The following NCKIPSD variants were observed in gnomAD, a reference collection of about 807,000 sequenced individuals.
NCKIPSD encodes NCK-interacting protein with SH3 domain.
In NCKIPSD, 48 loss-of-function variants were observed where a neutral mutation model predicts 73.4. The ratio of observed to expected loss-of-function variants is 0.65; its 90% CI spans 0.52 to 0.83. The LOEUF (loss-of-function observed/expected upper bound fraction) is 0.83, where lower values mean the gene tolerates loss of function less well. NCKIPSD is among the 40% of genes least tolerant of loss of function. The pLI, the probability that NCKIPSD is intolerant of heterozygous loss-of-function variation, is 0.00. For synonymous variants in NCKIPSD, 422 were observed against 403.6 expected (o/e 1.05, Z -0.54); for missense variants, 884 against 970.2 (o/e 0.91, Z 1.18).
chr3:48,681,858 C>T (rs866046743), intron 4 of NCKIPSD, 78 bp from the exon 5 acceptor site: 1 of 1,457,700 alleles, frequency 6.9e-7, no homozygotes, highest in African/African-American at 1.4e-5. Flanking sequence ...TCCCCTGTCC[C>T]CTAACACAGG....
chr3:48,682,254 T>C, intron 3 of NCKIPSD, 94 bp downstream of exon 3: 2 of 1,574,836 alleles, frequency 1.3e-6, no homozygotes, highest in Non-Finnish European at 8.7e-7. Flanking sequence ...ACTATGGCTC[T>C]GGGCCGCATC....
intron 1 of NCKIPSD, among the ~76,000 whole-genome samples, chr3:48,684,019 C>CACACACACACACACACAG (rs563262573): frequency 1.6e-4 from 22 of 141,342 alleles, no homozygotes; most frequent in African/African-American, 6.1e-4. Flanking sequence ...CACACACACA[C>CACACACACACACACACAG]AGAGAGAGAG....
rs1258573893 is a variant in NCKIPSD at position 48,681,386 on chromosome 3, G to A, written c.993C>T (p.Cys331=). 2.5e-6 allele frequency: 4 copies of A among 1,612,060 alleles called. No homozygotes were observed. Among genetic ancestry groups the A allele is most frequent in the Middle Eastern group, 3.3e-4 (2 of 6,072 alleles). ...CCACTATGATGCCGATGGCCACCCGGCATAATTCGTGGCTCAGGCCAGTGT... is the reference window on the plus strand; with the variant it reads ...CCACTATGATGCCGATGGCCACCCGACATAATTCGTGGCTCAGGCCAGTGT... ...RRNTGLSHEL[C]RVAIGIIVGH... The change falls in exon 5 of 13, where the codon TGC becomes TGT. Residue 331 remains cysteine (C), a synonymous_variant. Transcript: ENST00000294129.
intron 10 of NCKIPSD, 42 bp from the exon 11 acceptor site, chr3:48,679,011 A>G (rs2077302268): frequency 6.2e-7 from 1 of 1,614,068 alleles, no homozygotes; most frequent in Admixed American, 1.7e-5. Context: ...TGAGCCTGAG[A>G]GCCACCATGT....
intron 12 of NCKIPSD, 127 bp downstream of exon 12, chr3:48,678,437 G>A (rs2077288525): frequency 8.1e-7 from 1 of 1,229,248 alleles, no homozygotes; most frequent in African/African-American, 1.5e-5. Flanking sequence ...CACCTATCAT[G>A]GCCTCCTACA....
chr3:48,676,773 G>T (rs530351120), intron 12 of NCKIPSD, among the ~76,000 whole-genome samples: 4 of 149,554 alleles, frequency 2.7e-5, no homozygotes, highest in Admixed American at 2.7e-4. Context: ...GATTATAGGC[G>T]TGAGCCACTG....
At chr3:48,680,303 G>A (rs779887539) in intron 5 of NCKIPSD, 74 bp from the exon 6 acceptor site, 6 of 1,463,872 alleles carry the variant, frequency 4.1e-6, no homozygotes, top group East Asian at 2.4e-5. Context: ...CCAAGGCCTG[G>A]AGAGTCCATC....
At chr3:48,682,833 G>T in intron 2 of NCKIPSD, 70 bp downstream of exon 2, 1 of 1,510,916 alleles carries the variant, frequency 6.6e-7, no homozygotes, top group South Asian at 1.2e-5. Flanking sequence ...CCTGCCCCAT[G>T]ACACTCATTG....
At chr3:48,679,481 C>CAGA (rs2077311566) in intron 8 of NCKIPSD, 24 bp from the exon 9 acceptor site, 2 of 1,607,104 alleles carry the variant, frequency 1.2e-6, no homozygotes. Context: ...GGCAGGCAGT[C>CAGA]AGAGTCCCCA....
intron 5 of NCKIPSD, among the ~76,000 whole-genome samples, chr3:48,680,845 GC>G (rs2106751204): frequency 6.6e-6 from 1 of 152,180 alleles, no homozygotes; most frequent in Non-Finnish European, 1.5e-5. Context: ...CTCCATCCCA[GC>G]TCTCCCAGCA....
At chr3:48,681,180 T>A in intron 5 of NCKIPSD, 107 bp downstream of exon 5, 1 of 1,464,888 alleles carries the variant, frequency 6.8e-7, no homozygotes, top group Non-Finnish European at 9.1e-7. Flanking sequence ...CAGTAAGAGC[T>A]CAGAGCCAGA....
At chr3:48,676,368 C>G (rs1307932448) in intron 12 of NCKIPSD, among the ~76,000 whole-genome samples, 7 of 152,148 alleles carry the variant, frequency 4.6e-5, no homozygotes, top group African/African-American at 7.2e-5. Context: ...CCCCTCCTGC[C>G]CCATCCACTT....
intron 1 of NCKIPSD, among the ~76,000 whole-genome samples, chr3:48,683,979 GACACACACACACAC>G (rs545029045): frequency 6.0e-4 from 79 of 131,188 alleles, no homozygotes; most frequent in South Asian, 1.6e-3. Flanking sequence ...AAGACATGAA[GACACACACACACAC>G]ACACACACAC....
chr3:48,675,323 G>A (rs1306091061), intron 12 of NCKIPSD, among the ~76,000 whole-genome samples: 1 of 151,652 alleles, frequency 6.6e-6, no homozygotes, highest in Non-Finnish European at 1.5e-5. Flanking sequence ...GCACAGGCCT[G>A]AAATATGGTG....
At position 48,679,781 on chromosome 3, in the gene NCKIPSD, C is replaced by A. The variant is rs761025693; in HGVS notation, c.1350+20G>T. The A allele has an allele frequency of 3.1e-6, 5 of 1,614,224 alleles. No homozygotes were observed. The highest frequency in any genetic ancestry group is 2.2e-5 in the East Asian group (1 of 44,890). ...CTATCTAGGTCTCTCCATTACCCCT[C>A]CCCTCCATCCTGCACATACCATTTG... On this transcript the variant is annotated intron_variant, in intron 7 of 12. Transcript: ENST00000294129.
chr3:48,682,806 C>A, intron 2 of NCKIPSD, 97 bp downstream of exon 2: 1 of 1,476,910 alleles, frequency 6.8e-7, no homozygotes, highest in Non-Finnish European at 9.1e-7. Context: ...TGCCAACCCT[C>A]GCATTTCCCA....
Position 48,685,887 on chromosome 3 carries a change from C to A in NCKIPSD, c.-80G>T. On this transcript the variant is annotated 5_prime_UTR_variant, in exon 1 of 13. Transcript: ENST00000294129. The stretch of plus-strand genomic sequence containing the variant: ...CCAGGCCGGGAGCGCCGAGCCGCGC[C>A]GCGGTTGTCCCGCCCCGTGACACAC... 1 of 1,285,432 alleles carries A rather than the reference C, an allele frequency of 7.8e-7. No individual in the cohort carries two copies. Among genetic ancestry groups the A allele is most frequent in the South Asian group, 2.0e-5 (1 of 50,848 alleles). The allele number at this position is 1,285,432 out of a possible 1,614,324, so 79.6% of individuals were successfully genotyped here.
In NCKIPSD at chr3:48,685,711, G is replaced by C; in HGVS notation, c.97C>G (p.His33Asp). 6.5e-6 allele frequency: 10 copies of C among 1,528,208 alleles called. No individual in the cohort carries two copies. The highest frequency in any genetic ancestry group is 7.9e-6 in the Non-Finnish European group (9 of 1,144,046). 94.7% of individuals were successfully genotyped at this position (1,528,208 alleles called of 1,614,324 possible). The change falls in exon 1 of 13, where the codon CAC (histidine) becomes GAC (aspartate). Residue 33 changes from histidine (H) to aspartate (D), a missense_variant. Physicochemically the swap from His to Asp is moderately conservative, Grantham distance 81. Transcript: ENST00000294129. Reference protein sequence around the residue: ...TFLVLERSSAHWWLAARARSG... With the variant: ...TFLVLERSSADWWLAARARSG... ...CGCGCCCGCGCGGCCAGCCACCAGT[G>C]CGCGCTGCTTCGCTCTAGCACCAGG...
intron 3 of NCKIPSD, 41 bp from the exon 4 acceptor site, chr3:48,682,197 C>A: frequency 6.3e-7 from 1 of 1,579,380 alleles, no homozygotes; most frequent in African/African-American, 1.3e-5. Context: ...AGACTGACAT[C>A]TAGAGCGTCA....
Sources: gnomAD v4.1 joint callset for allele counts (sites outside exome capture counted in the v4.1 genomes callset) on GRCh38, gnomAD v4.1.1 for gene constraint, MANE v1.5 for transcripts, NCBI Gene and HGNC (gene_info 2026-07-23, HGNC 2026-07-21) for gene names.